The following RAMP1 variants were observed in gnomAD, a reference collection of about 807,000 sequenced individuals.
The protein encoded by RAMP1 is receptor activity modifying protein 1.
A neutral mutation model predicts 8.2 loss-of-function variants in RAMP1; 7 were observed. The ratio of observed to expected loss-of-function variants is 0.85; its 90% CI spans 0.49 to 1.60. RAMP1 has a LOEUF of 1.60. RAMP1 is among the 40% of genes most tolerant of loss of function. RAMP1 has a pLI of 0.00. For missense variants in RAMP1, 192 were observed against 202.4 expected (o/e 0.95, Z 0.31); for synonymous variants, 92 against 84.7 (o/e 1.09, Z -0.47).
chr2:237,859,755 G>C, intron 1 of RAMP1, 28 bp downstream of exon 1: 1 of 1,500,020 alleles, frequency 6.7e-7, no homozygotes, highest in Non-Finnish European at 8.9e-7. Context: ...TCCCGGCCGA[G>C]CTCCCTTCCC....
intron 2 of RAMP1, among the ~76,000 whole-genome samples, chr2:237,897,619 G>A (rs1461227970): frequency 1.3e-5 from 2 of 152,170 alleles, no homozygotes; most frequent in Non-Finnish European, 2.9e-5. Flanking sequence ...GGTAACAAAG[G>A]TGTGGAATGG....
At chr2:237,902,121 G>C (rs6717794) in intron 2 of RAMP1, among the ~76,000 whole-genome samples, 1 of 151,872 alleles carries the variant, frequency 6.6e-6, no homozygotes, top group Non-Finnish European at 1.5e-5. Flanking sequence ...GCCCAAGGCC[G>C]AGAGAGAAGG....
rs2062326556 is a variant in RAMP1, at chr2:237,877,949, G to A, written c.191+587G>A. ...CCTCATTGCCTCCCTCAGCCTCCTG[G>A]GTGCTGGGCCCCCATCAGCAGGCCG... On this transcript the variant is annotated intron_variant, in intron 2 of 2. Coordinates refer to ENST00000254661, the MANE Select transcript of RAMP1 (RefSeq NM_005855.4). This position sits in a 1 kb window ranked among gnomAD's most constrained non-coding sequence, Gnocchi z 4.4. 4 of 985,306 alleles carry A rather than the reference G, an allele frequency of 4.1e-6. No individual in the cohort carries two copies. The South Asian group carries it at 1.4e-4, about 35-fold the overall frequency. The allele number at this position is 985,306 out of a possible 1,614,324, so 61.0% of individuals were successfully genotyped here.
At chr2:237,885,984 TACAGAGGAGAAGGGG>T (rs2062427087) in intron 2 of RAMP1, among the ~76,000 whole-genome samples, 1 of 152,020 alleles carries the variant, frequency 6.6e-6, no homozygotes, top group African/African-American at 2.4e-5. Flanking sequence ...GGCTATGGCT[TACAGAGGAGAAGGGG>T]GCAGAGGAGG....
intron 1 of RAMP1, among the ~76,000 whole-genome samples, chr2:237,871,165 T>C (rs2062240601): frequency 6.6e-6 from 1 of 151,830 alleles, no homozygotes; most frequent in African/African-American, 2.4e-5. Context: ...ATGGCGGGAG[T>C]TTCTCAGCCT....
intron 2 of RAMP1, among the ~76,000 whole-genome samples, chr2:237,909,186 G>C (rs1486720729): frequency 2.0e-5 from 3 of 152,180 alleles, no homozygotes; most frequent in African/African-American, 4.8e-5. Flanking sequence ...GCTGTGGCCA[G>C]ATCTGGCCAC....
chr2:237,898,808 A>G (rs72980138), intron 2 of RAMP1, among the ~76,000 whole-genome samples: 41,197 of 151,930 alleles, frequency 0.27, 5,592 homozygotes, highest in Middle Eastern at 0.35. Flanking sequence ...CTTGCTCCAC[A>G]CCTGACGCAC....
At chr2:237,864,067 G>A (rs1056224888) in intron 1 of RAMP1, among the ~76,000 whole-genome samples, 5 of 152,138 alleles carry the variant, frequency 3.3e-5, no homozygotes, top group Non-Finnish European at 7.3e-5. Flanking sequence ...AGGCCCCCAG[G>A]CCTTGGCTCC....
chr2:237,883,580 C>T (rs1044145808), intron 2 of RAMP1, among the ~76,000 whole-genome samples: 1 of 152,130 alleles, frequency 6.6e-6, no homozygotes, highest in African/African-American at 2.4e-5. Context: ...CTTTGGGAGG[C>T]CAAGGCAGAA....
chr2:237,895,591 G>T (rs552983727), intron 2 of RAMP1, among the ~76,000 whole-genome samples: 1 of 152,300 alleles, frequency 6.6e-6, no homozygotes, highest in East Asian at 1.9e-4. Context: ...CCCGAACAGG[G>T]ACCAGCATGG....
intron 1 of RAMP1, among the ~76,000 whole-genome samples, chr2:237,867,567 G>A (rs1485501820): frequency 3.3e-5 from 5 of 152,144 alleles, no homozygotes; most frequent in Admixed American, 1.3e-4. Flanking sequence ...AGGAAGAACC[G>A]TTCGATGTGA....
Position 237,877,958 on chromosome 2 carries a change from C to A in RAMP1, c.191+596C>A. ...CTCCCTCAGCCTCCTGGGTGCTGGG[C>A]CCCCATCAGCAGGCCGGGGGGTTCT... On this transcript the variant is annotated intron_variant, in intron 2 of 2. Coordinates refer to ENST00000254661, the MANE Select transcript of RAMP1 (RefSeq NM_005855.4). The surrounding 1 kb of genome is among the most constrained non-coding windows in gnomAD (Gnocchi z 4.4). The A allele has an allele frequency of 1.0e-6, 1 of 985,432 alleles. No homozygotes were observed. Among genetic ancestry groups the A allele is most frequent in the Non-Finnish European group, 1.2e-6 (1 of 829,912 alleles). 61.0% of individuals were successfully genotyped at this position (985,432 alleles called of 1,614,324 possible).
In RAMP1 at chr2:237,876,752, C is replaced by T. The variant is rs116693651; in HGVS notation, c.53-472C>T. On this transcript the variant is annotated intron_variant, in intron 1 of 2. Coordinates refer to ENST00000254661, the MANE Select transcript of RAMP1 (RefSeq NM_005855.4). Reference sequence around the variant, plus strand: ...GTCACTGTTGCTCTGGTGTATGGCTCGAGGCAGGAGGAGGGAGCACAGTTC... The same window carrying T: ...GTCACTGTTGCTCTGGTGTATGGCTTGAGGCAGGAGGAGGGAGCACAGTTC... Among the ~76,000 whole-genome samples the T allele has an allele frequency of 5.4e-3, 821 of 152,180 alleles. 11 individuals carry two copies. Among genetic ancestry groups the T allele is most frequent in the African/African-American group, 0.019 (788 of 41,510 alleles).
In RAMP1 at chr2:237,911,637, T is replaced by C. The variant is rs1194211080; in HGVS notation, c.301T>C (p.Phe101Leu). ...CTTCCTGGCAGTGCATGGCCGCTAC[T>C]TCAGGAGCTGCCCCATCTCAGGCAG... is the stretch of plus-strand genomic sequence containing the variant. ...RFFLAVHGRY[F>L]RSCPISGRAV... is the part of the protein sequence containing the mutation. Residue 101 changes from phenylalanine to leucine, a missense_variant, in exon 3 of 3, where the codon TTC becomes CTC. Physicochemically the swap from Phe to Leu is conservative, Grantham distance 22. Transcript: ENST00000254661. 3.1e-6 allele frequency: 5 copies of C among 1,614,120 alleles called. No individual in the cohort carries two copies. Among genetic ancestry groups the C allele is most frequent in the East Asian group, 2.2e-5 (1 of 44,878 alleles).
chr2:237,863,328 A>C (rs1474787934), intron 1 of RAMP1, among the ~76,000 whole-genome samples: 1 of 152,128 alleles, frequency 6.6e-6, no homozygotes. Context: ...GGCACTGTTC[A>C]GTTCCCAGCC....
chr2:237,901,555 A>T (rs1335085797), intron 2 of RAMP1, among the ~76,000 whole-genome samples: 1 of 152,218 alleles, frequency 6.6e-6, no homozygotes, highest in Admixed American at 6.5e-5. Flanking sequence ...AAAGGTCCTG[A>T]GGCAGAACAC....
At chr2:237,873,549 C>T (rs1384891182) in intron 1 of RAMP1, among the ~76,000 whole-genome samples, 2 of 152,198 alleles carry the variant, frequency 1.3e-5, no homozygotes, top group Non-Finnish European at 2.9e-5. Context: ...CTCTGAACCC[C>T]CTCAAGCAAC....
intron 2 of RAMP1, among the ~76,000 whole-genome samples, chr2:237,879,184 T>TG (rs1559941510): frequency 6.6e-6 from 1 of 152,158 alleles, no homozygotes; most frequent in Non-Finnish European, 1.5e-5. Flanking sequence ...GAAGACACAA[T>TG]GGGGGGCCCC....
chr2:237,871,392 A>G (rs1214496491), intron 1 of RAMP1, among the ~76,000 whole-genome samples: 1 of 152,196 alleles, frequency 6.6e-6, no homozygotes, highest in Non-Finnish European at 1.5e-5. Flanking sequence ...ACGCCAGGCC[A>G]TGGTTGACAC....
Sources: gnomAD v4.1 joint callset for allele counts (sites outside exome capture counted in the v4.1 genomes callset) on GRCh38, gnomAD v4.1.1 for gene constraint, Gnocchi (gnomAD v3.1) non-coding constraint, MANE v1.5 for transcripts, NCBI Gene and HGNC (gene_info 2026-07-23, HGNC 2026-07-21) for gene names.